Variants in IL1RAPL2 observed in about 807,000 individuals in gnomAD.
IL1RAPL2 encodes the protein X-linked interleukin-1 receptor accessory protein-like 2.
A neutral mutation model predicts 44.1 loss-of-function variants in IL1RAPL2; 3 were observed. That is an observed-to-expected ratio of 0.07 (90% CI 0.03 to 0.18). The LOEUF (loss-of-function observed/expected upper bound fraction) is 0.18, where lower values mean the gene tolerates loss of function less well. Ranked by LOEUF, IL1RAPL2 falls within the 10% of genes least tolerant of loss-of-function variation. The pLI is 1.00. For missense variants in IL1RAPL2, 391 were observed against 496.4 expected (o/e 0.79, Z 2.02); for synonymous variants, 181 against 178.8 (o/e 1.01, Z -0.10).
chrX:105,458,311 T>C (rs1260240550), intron 5 of IL1RAPL2, among the ~76,000 whole-genome samples: 2 of 111,987 alleles, frequency 1.8e-5, no homozygotes, highest in Non-Finnish European at 3.8e-5. Flanking sequence ...ACGGAAGTTC[T>C]TAATTTGTAG....
chrX:104,920,613 G>T (rs1270762846), intron 2 of IL1RAPL2, among the ~76,000 whole-genome samples: 1 of 104,917 alleles, frequency 9.5e-6, no homozygotes, highest in Non-Finnish European at 2.0e-5. Context: ...GCTCCCAAAG[G>T]CCTCCCTAGA....
At chrX:105,513,989 A>G (rs1235358819) in intron 6 of IL1RAPL2, among the ~76,000 whole-genome samples, 1 of 111,149 alleles carries the variant, frequency 9.0e-6, no homozygotes. Flanking sequence ...TCTGCAAACT[A>G]ATTTAGTTTT....
chrX:105,681,397 A>G (rs1385380458), intron 6 of IL1RAPL2, among the ~76,000 whole-genome samples: 1 of 112,013 alleles, frequency 8.9e-6, no homozygotes, highest in Admixed American at 9.5e-5. Flanking sequence ...CAATAGCATA[A>G]AAGACAAAGG....
intron 2 of IL1RAPL2, among the ~76,000 whole-genome samples, chrX:105,017,677 G>C (rs1369202261): frequency 9.0e-6 from 1 of 111,043 alleles, no homozygotes; most frequent in Admixed American, 9.6e-5. Flanking sequence ...GTATAATAAA[G>C]AGTAACATAA....
At chrX:105,568,082 GGT>G (rs748606371) in intron 6 of IL1RAPL2, among the ~76,000 whole-genome samples, 10 of 109,020 alleles carry the variant, frequency 9.2e-5, no homozygotes, top group African/African-American at 2.3e-4. Context: ...TGTGCATGCA[GGT>G]GTGTGTGTGT....
At chrX:105,042,693 A>G (rs1216452986) in intron 2 of IL1RAPL2, among the ~76,000 whole-genome samples, 1 of 103,987 alleles carries the variant, frequency 9.6e-6, no homozygotes, top group Non-Finnish European at 2.0e-5. Context: ...ATCTAGAACT[A>G]GAAATACCAT....
intron 6 of IL1RAPL2, among the ~76,000 whole-genome samples, chrX:105,713,980 A>G (rs2038236433): frequency 9.0e-6 from 1 of 111,440 alleles, no homozygotes; most frequent in African/African-American, 3.3e-5. Context: ...AAGTAGCCAT[A>G]CAGTAGCCTG....
intron 5 of IL1RAPL2, among the ~76,000 whole-genome samples, chrX:105,311,611 T>TATAC (rs1556277588): frequency 2.2e-5 from 2 of 92,561 alleles, no homozygotes; most frequent in Non-Finnish European, 4.2e-5. Flanking sequence ...TATACATACA[T>TATAC]ACACACACAC....
rs191222971 is a variant in IL1RAPL2 at position 105,162,870 on chromosome X, G to T, written c.83-32605G>T. On this transcript the variant is annotated intron_variant, in intron 2 of 10. Coordinates refer to ENST00000372582, the MANE Select transcript of IL1RAPL2 (RefSeq NM_017416.2). The stretch of plus-strand genomic sequence containing the variant: ...TCCTCATAGACAGTGCCCTCTAGTT[G>T]TGTCCTCATGTGGTAGAAGGAACTC... Among the ~76,000 whole-genome samples the T allele has an allele frequency of 2.5e-3, 282 of 111,748 alleles. 3 individuals are homozygous for T. Among genetic ancestry groups the T allele is most frequent in the African/African-American group, 8.6e-3 (265 of 30,712 alleles).
chrX:104,585,336 TTATATATTA>T (rs1400880944), intron 1 of IL1RAPL2, among the ~76,000 whole-genome samples: 1,061 of 17,615 alleles, frequency 0.06, 42 homozygotes, highest in Non-Finnish European at 0.072. Flanking sequence ...ATAATATATA[TTATATATTA>T]TATATATTAT....
At chrX:105,325,568 T>C (rs868531150) in intron 5 of IL1RAPL2, among the ~76,000 whole-genome samples, 17 of 97,295 alleles carry the variant, frequency 1.7e-4, no homozygotes, top group African/African-American at 6.5e-4. Flanking sequence ...TATATATATA[T>C]ATATATATAC....
At chrX:104,948,725 G>T (rs1392720086) in intron 2 of IL1RAPL2, among the ~76,000 whole-genome samples, 3 of 110,635 alleles carry the variant, frequency 2.7e-5, no homozygotes, top group Admixed American at 9.7e-5. Flanking sequence ...TACGTTTATT[G>T]ATTTGTGTAT....
At chrX:105,372,406 A>G (rs1602381860) in intron 5 of IL1RAPL2, among the ~76,000 whole-genome samples, 1 of 107,924 alleles carries the variant, frequency 9.3e-6, no homozygotes, top group South Asian at 4.2e-4. Flanking sequence ...ACTGCACTCC[A>G]GCCTAGGCGA....
chrX:105,001,321 G>T (rs1488400754), intron 2 of IL1RAPL2, among the ~76,000 whole-genome samples: 1 of 111,231 alleles, frequency 9.0e-6, no homozygotes, highest in African/African-American at 3.3e-5. Context: ...CAGAATACCT[G>T]TAGTATTCAG....
intron 2 of IL1RAPL2, among the ~76,000 whole-genome samples, chrX:105,063,869 T>C (rs1314018815): frequency 8.9e-6 from 1 of 111,933 alleles, no homozygotes; most frequent in African/African-American, 3.3e-5. Flanking sequence ...ACAGATGCCT[T>C]GTTTTCTTCC....
intron 10 of IL1RAPL2, among the ~76,000 whole-genome samples, chrX:105,762,607 G>A (rs986790100): frequency 5.4e-5 from 6 of 112,054 alleles, no homozygotes; most frequent in Non-Finnish European, 9.4e-5. Context: ...TTTGTTTCAT[G>A]TCTGATAATC....
chrX:104,723,323 G>T (rs1007935944), intron 2 of IL1RAPL2, among the ~76,000 whole-genome samples: 4 of 111,055 alleles, frequency 3.6e-5, no homozygotes, highest in Admixed American at 9.6e-5. Context: ...TATAAATATG[G>T]TCAGTTTTCA....
At chrX:105,388,696 A>T (rs1234913931) in intron 5 of IL1RAPL2, among the ~76,000 whole-genome samples, 1 of 111,022 alleles carries the variant, frequency 9.0e-6, no homozygotes, top group Non-Finnish European at 1.9e-5. Context: ...AGTTCTTTGA[A>T]ATCACCCCAT....
chrX:104,647,451 C>T (rs1930063136), intron 1 of IL1RAPL2: 1 of 609,516 alleles, frequency 1.6e-6, no homozygotes, highest in Non-Finnish European at 2.8e-6. Context: ...TCTTTGGCTT[C>T]CACTGCTTCT....
Sources: allele counts gnomAD v4.1 joint callset (sites outside exome capture counted in the v4.1 genomes callset), GRCh38; gene constraint gnomAD v4.1.1; transcripts MANE v1.5; gene names NCBI Gene and HGNC (gene_info 2026-07-23, HGNC 2026-07-21).